NTRK3: variants seen among roughly 807,000 people sequenced by gnomAD.
The protein encoded by NTRK3 is NT-3 growth factor receptor.
NTRK3 carries 24 observed loss-of-function variants against 91.7 expected under a neutral mutation model. That is an observed-to-expected ratio of 0.26 (90% CI 0.19 to 0.37). The LOEUF (loss-of-function observed/expected upper bound fraction) is 0.37, where lower values mean the gene tolerates loss of function less well. NTRK3 is among the 10% of genes least tolerant of loss of function. NTRK3 has a pLI of 1.00. For synonymous variants in NTRK3, 483 were observed against 404.0 expected, an observed-to-expected ratio of 1.20 and a Z score of -2.34; for missense variants, 880 against 1,068.9, an observed-to-expected ratio of 0.82 and a Z score of 2.46.
At chr15:87,880,216 G>C (rs1299749030) in intron 18 of NTRK3, 54 bp downstream of exon 19, 1 of 1,610,486 alleles carries the variant, frequency 6.2e-7, no homozygotes, top group Non-Finnish European at 8.5e-7. Flanking sequence ...TCTGGGCTGA[G>C]ATAGCTCTTA....
chr15:88,203,389 T>G (rs1460043270), intron 3 of NTRK3, among the ~76,000 whole-genome samples: 1 of 152,158 alleles, frequency 6.6e-6, no homozygotes, highest in East Asian at 1.9e-4. Context: ...ATAATCCACT[T>G]AAAAGAATAA....
At chr15:88,139,713 G>A (rs1431195032) in intron 6 of NTRK3, among the ~76,000 whole-genome samples, 2 of 152,096 alleles carry the variant, frequency 1.3e-5, no homozygotes, top group Non-Finnish European at 2.9e-5. Flanking sequence ...TCTGATGTTT[G>A]GAGGGGTTAA....
intron 5 of NTRK3, among the ~76,000 whole-genome samples, chr15:88,179,438 T>C (rs113583036): frequency 1.3e-3 from 191 of 152,284 alleles, no homozygotes; most frequent in African/African-American, 4.4e-3. Flanking sequence ...CCACCTACCA[T>C]ACCCCTGCCC....
intron 13 of NTRK3, among the ~76,000 whole-genome samples, chr15:88,088,469 G>C (rs571555689): frequency 6.6e-6 from 1 of 152,188 alleles, no homozygotes; most frequent in East Asian, 1.9e-4. Context: ...CATGGGAATG[G>C]TAATAATATA....
At chr15:88,106,107 C>G (rs1369159505) in intron 13 of NTRK3, among the ~76,000 whole-genome samples, 1 of 152,248 alleles carries the variant, frequency 6.6e-6, no homozygotes, top group African/African-American at 2.4e-5. Context: ...TCCATTCCGG[C>G]TTACCCAGTG....
At chr15:88,215,162 C>T (rs2049638258) in intron 3 of NTRK3, among the ~76,000 whole-genome samples, 1 of 152,198 alleles carries the variant, frequency 6.6e-6, no homozygotes, top group Non-Finnish European at 1.5e-5. Flanking sequence ...AGCATTTAGG[C>T]CCAGGAAGTA....
intron 14 of NTRK3, among the ~76,000 whole-genome samples, chr15:87,984,398 T>C (rs927908580): frequency 2.0e-5 from 3 of 152,214 alleles, no homozygotes; most frequent in African/African-American, 7.2e-5. Flanking sequence ...GCCTGGGCTA[T>C]GGTTATGATT....
At chr15:87,908,179 G>A (rs2066882906) in intron 17 of NTRK3, among the ~76,000 whole-genome samples, 1 of 152,208 alleles carries the variant, frequency 6.6e-6, no homozygotes, top group Non-Finnish European at 1.5e-5. Flanking sequence ...CACACGCACA[G>A]GTCTGGACAG....
chr15:88,036,672 TG>T (rs1006419148), intron 13 of NTRK3, among the ~76,000 whole-genome samples: 1 of 152,190 alleles, frequency 6.6e-6, no homozygotes, highest in African/African-American at 2.4e-5. Context: ...ACAGGATCCA[TG>T]CCCAGGCTGT....
intron 14 of NTRK3, among the ~76,000 whole-genome samples, chr15:88,006,317 C>G (rs373613110): frequency 4.6e-4 from 70 of 152,352 alleles, no homozygotes; most frequent in African/African-American, 1.7e-3. Flanking sequence ...ACTTCTGCAG[C>G]TATTAATATC....
chr15:88,131,352 G>A (rs1218487909), intron 10 of NTRK3, among the ~76,000 whole-genome samples: 4 of 152,204 alleles, frequency 2.6e-5, no homozygotes, highest in African/African-American at 9.7e-5. Flanking sequence ...TACTTGTGGG[G>A]AATCGGATAC....
intron 14 of NTRK3, among the ~76,000 whole-genome samples, chr15:87,964,622 C>A (rs2072624468): frequency 6.6e-6 from 1 of 152,084 alleles, no homozygotes; most frequent in Non-Finnish European, 1.5e-5. Flanking sequence ...CCAACAAGAA[C>A]CCTGGGTCCA....
chr15:88,126,230 T>C (rs138861037), intron 13 of NTRK3, 41 bp downstream of exon 13: 56 of 1,386,520 alleles, frequency 4.0e-5, no homozygotes, highest in Non-Finnish European at 5.8e-5. Context: ...GCAGTAATGT[T>C]TCCCCCCATG....
chr15:87,931,481 A>G (rs1188032597), intron 16 of NTRK3, among the ~76,000 whole-genome samples: 4 of 152,258 alleles, frequency 2.6e-5, no homozygotes, highest in African/African-American at 9.6e-5. Flanking sequence ...TTTAATACTC[A>G]TAGCAACAAC....
chr15:87,884,641 C>T (rs2065434121), intron 17 of NTRK3, among the ~76,000 whole-genome samples: 1 of 151,612 alleles, frequency 6.6e-6, no homozygotes, highest in South Asian at 2.1e-4. Flanking sequence ...TACAAGAATT[C>T]CATATTATAT....
chr15:88,250,629 A>AC (rs374554901), intron 3 of NTRK3, among the ~76,000 whole-genome samples: 1 of 151,506 alleles, frequency 6.6e-6, no homozygotes, highest in Non-Finnish European at 1.5e-5. Context: ...CATTAACCAT[A>AC]CCCCCCTATT....
intron 15 of NTRK3, among the ~76,000 whole-genome samples, chr15:87,936,746 A>G (rs1241290215): frequency 1.3e-5 from 2 of 151,946 alleles, no homozygotes; most frequent in Non-Finnish European, 2.9e-5. Flanking sequence ...TCTTTTAGTG[A>G]CTCAAAATCC....
intron 14 of NTRK3, among the ~76,000 whole-genome samples, chr15:88,004,851 C>T (rs919295511): frequency 4.6e-5 from 7 of 152,142 alleles, no homozygotes; most frequent in Admixed American, 6.5e-5. Flanking sequence ...ATGATGGTCT[C>T]ACTATCATTC....
chr15:88,023,359 T>C (rs2077749561), intron 14 of NTRK3, among the ~76,000 whole-genome samples: 2 of 152,160 alleles, frequency 1.3e-5, no homozygotes. Context: ...CATCACAGAA[T>C]TCCTGGGGGT....
Sources: gnomAD v4.1 joint callset for allele counts (sites outside exome capture counted in the v4.1 genomes callset) on GRCh38, gnomAD v4.1.1 for gene constraint, MANE v1.5 for transcripts, NCBI Gene and HGNC (gene_info 2026-07-23, HGNC 2026-07-21) for gene names.